Variants in RABGAP1L observed in about 807,000 individuals in gnomAD.
RABGAP1L encodes the protein RAB GTPase activating protein 1 like, also known as rab GTPase-activating protein 1-like.
Under a neutral mutation model 137.7 loss-of-function variants are expected in RABGAP1L, and 63 were observed. The observed-to-expected ratio is 0.46, with a 90% CI of 0.37 to 0.56. The LOEUF (loss-of-function observed/expected upper bound fraction) is 0.56, where lower values mean the gene tolerates loss of function less well. RABGAP1L is among the 20% of genes least tolerant of loss of function. The probability of loss-of-function intolerance (pLI) is 0.00; values close to 1 mark genes in which losing one functional copy is unlikely to be tolerated. For synonymous variants in RABGAP1L, 431 were observed against 433.7 expected (o/e 0.99, Z 0.08); for missense variants, 1,095 against 1,244.0 (o/e 0.88, Z 1.80).
chr1:174,748,635 C>G (rs1221523800), intron 17 of RABGAP1L, among the ~76,000 whole-genome samples: 1 of 151,792 alleles, frequency 6.6e-6, no homozygotes, highest in East Asian at 1.9e-4. Context: ...CTTTGGGAGG[C>G]TGAGGCAGGA....
chr1:174,568,379 GATA>G (rs1162546768), intron 13 of RABGAP1L, among the ~76,000 whole-genome samples: 1 of 152,154 alleles, frequency 6.6e-6, no homozygotes, highest in Non-Finnish European at 1.5e-5. Context: ...ACCGTATCAG[GATA>G]ATAATGATAA....
intron 19 of RABGAP1L, among the ~76,000 whole-genome samples, chr1:174,859,429 G>A (rs1649861117): frequency 6.7e-6 from 1 of 148,214 alleles, no homozygotes; most frequent in Admixed American, 6.9e-5. Context: ...GTTGCAGTGA[G>A]CGGAGATTGT....
intron 14 of RABGAP1L, among the ~76,000 whole-genome samples, chr1:174,667,308 A>G (rs571193032): frequency 2.6e-5 from 4 of 152,280 alleles, no homozygotes; most frequent in African/African-American, 7.2e-5. Context: ...CCATGGACAC[A>G]AACACAAATA....
chr1:174,228,050 T>TC (rs1338979234), intron 3 of RABGAP1L, among the ~76,000 whole-genome samples: 5 of 152,142 alleles, frequency 3.3e-5, no homozygotes, highest in African/African-American at 1.2e-4. Context: ...TTACTGCAGA[T>TC]CTTGTATTTT....
intron 1 of RABGAP1L, among the ~76,000 whole-genome samples, chr1:174,162,307 T>C (rs1664535995): frequency 6.6e-6 from 1 of 152,216 alleles, no homozygotes; most frequent in Non-Finnish European, 1.5e-5. Context: ...TTGAATTTGC[T>C]CAGCCATTGT....
intron 23 of RABGAP1L, among the ~76,000 whole-genome samples, chr1:174,980,912 T>TG (rs929931460): frequency 5.9e-5 from 9 of 151,548 alleles, no homozygotes; most frequent in African/African-American, 2.2e-4. Context: ...TTTTTTTGTT[T>TG]TTTTTTTTTG....
chr1:174,380,248 T>C (rs1304216619), intron 12 of RABGAP1L, among the ~76,000 whole-genome samples: 1 of 152,218 alleles, frequency 6.6e-6, no homozygotes, highest in Non-Finnish European at 1.5e-5. Context: ...TCTAAAATTC[T>C]CTTTTTTGGT....
chr1:174,854,957 C>T (rs1301704030), intron 19 of RABGAP1L, among the ~76,000 whole-genome samples: 4 of 151,500 alleles, frequency 2.6e-5, no homozygotes, highest in East Asian at 1.9e-4. Context: ...AGGCTGGTCT[C>T]GAACTCCTGA....
intron 19 of RABGAP1L, among the ~76,000 whole-genome samples, chr1:174,845,105 T>C (rs1693909402): frequency 6.7e-6 from 1 of 150,104 alleles, no homozygotes; most frequent in Non-Finnish European, 1.5e-5. Flanking sequence ...AAGTTGCTTA[T>C]CAGCTTAAGG....
intron 21 of RABGAP1L, among the ~76,000 whole-genome samples, chr1:174,973,132 G>A (rs1038116645): frequency 5.9e-5 from 9 of 152,234 alleles, no homozygotes; most frequent in African/African-American, 2.2e-4. Context: ...AACATAAGAG[G>A]AGAAACTGTG....
intron 21 of RABGAP1L, among the ~76,000 whole-genome samples, chr1:174,974,672 C>T (rs531689533): frequency 1.3e-5 from 2 of 152,290 alleles, no homozygotes; most frequent in South Asian, 2.1e-4. Context: ...AACTACCCAA[C>T]GGTTTCAAAT....
chr1:174,425,117 T>C (rs973934713), intron 13 of RABGAP1L, among the ~76,000 whole-genome samples: 12 of 152,008 alleles, frequency 7.9e-5, no homozygotes, highest in African/African-American at 2.9e-4. Context: ...AGGTTTTTCA[T>C]TGGAATTTGT....
At position 174,178,428 on chromosome 1, in the gene RABGAP1L, T is replaced by C. The variant is rs773089528; in HGVS notation, c.-34+18771T>C. Among the ~76,000 whole-genome samples the C allele has an allele frequency of 4.6e-5, 7 of 152,280 alleles. No homozygotes were observed. In the South Asian group the frequency reaches 6.2e-4, roughly 14 times the overall value. ...CCATTGTGGAAGACAGTGTGTCAAT[T>C]CCTGAAGGATAAAGAACCAGCAATA... On this transcript the variant is annotated intron_variant, in intron 1 of 25. Coordinates refer to ENST00000681986, the MANE Select transcript of RABGAP1L (RefSeq NM_001366446.1).
At chr1:174,432,205 T>C (rs1335470579) in intron 13 of RABGAP1L, among the ~76,000 whole-genome samples, 4 of 152,154 alleles carry the variant, frequency 2.6e-5, no homozygotes, top group Non-Finnish European at 5.9e-5. Context: ...AGTGAGAACA[T>C]GGGTTTTTGG....
At chr1:174,320,052 G>T (rs1436084999) in intron 11 of RABGAP1L, among the ~76,000 whole-genome samples, 6 of 152,224 alleles carry the variant, frequency 3.9e-5, no homozygotes, top group African/African-American at 1.4e-4. Context: ...AAATTTTGAT[G>T]TGGGTTTTGA....
At chr1:174,617,211 T>A (rs1671970276) in intron 13 of RABGAP1L, among the ~76,000 whole-genome samples, 1 of 152,214 alleles carries the variant, frequency 6.6e-6, no homozygotes, top group African/African-American at 2.4e-5. Flanking sequence ...TTTGGCTTTA[T>A]TCTAAAAGGG....
At chr1:174,544,449 G>T (rs912281107) in intron 13 of RABGAP1L, among the ~76,000 whole-genome samples, 1 of 152,102 alleles carries the variant, frequency 6.6e-6, no homozygotes, top group Non-Finnish European at 1.5e-5. Flanking sequence ...AGCTCCATCA[G>T]GTCATTTAAG....
At chr1:174,410,057 C>G (rs1451222050) in intron 13 of RABGAP1L, among the ~76,000 whole-genome samples, 2 of 152,144 alleles carry the variant, frequency 1.3e-5, no homozygotes, top group African/African-American at 4.8e-5. Flanking sequence ...TTGTGACCTA[C>G]TCCCTGTTTG....
chr1:174,767,275 T>C (rs540580532), intron 18 of RABGAP1L, among the ~76,000 whole-genome samples: 2 of 152,330 alleles, frequency 1.3e-5, no homozygotes, highest in South Asian at 4.1e-4. Flanking sequence ...TTTACAGAGC[T>C]TGACTCTTCA....
Sources: allele counts gnomAD v4.1 joint callset (sites outside exome capture counted in the v4.1 genomes callset), GRCh38; gene constraint gnomAD v4.1.1; transcripts MANE v1.5; gene names NCBI Gene and HGNC (gene_info 2026-07-23, HGNC 2026-07-21).